DPP10: variants seen among roughly 807,000 people sequenced by gnomAD.
DPP10 encodes the protein inactive dipeptidyl peptidase 10.
In DPP10, 33 loss-of-function variants were observed where a neutral mutation model predicts 120.9. That is an observed-to-expected ratio of 0.27 (90% CI 0.21 to 0.37). The LOEUF (loss-of-function observed/expected upper bound fraction) is 0.37, where lower values mean the gene tolerates loss of function less well. DPP10 is among the 10% of genes least tolerant of loss of function. The pLI is 1.00. For synonymous variants in DPP10, 337 were observed against 326.1 expected, an observed-to-expected ratio of 1.03 and a Z score of -0.36; for missense variants, 816 against 942.8, an observed-to-expected ratio of 0.87 and a Z score of 1.76.
At chr2:115,679,201 G>C (rs906493418) in intron 5 of DPP10, among the ~76,000 whole-genome samples, 1 of 151,846 alleles carries the variant, frequency 6.6e-6, no homozygotes, top group East Asian at 1.9e-4. Context: ...ATGTGGGGGG[G>C]GTGCATGGGT....
chr2:114,792,608 T>C (rs1683351121), intron 1 of DPP10, among the ~76,000 whole-genome samples: 2 of 152,206 alleles, frequency 1.3e-5, no homozygotes, highest in Admixed American at 6.5e-5. Flanking sequence ...GCACCTAAAC[T>C]GTTTACACAA....
chr2:114,567,033 C>G (rs1206635382), intron 1 of DPP10, among the ~76,000 whole-genome samples: 1 of 152,162 alleles, frequency 6.6e-6, no homozygotes, highest in African/African-American at 2.4e-5. Context: ...CAACCCTTGC[C>G]TCTGACTACC....
chr2:115,285,019 T>C (rs1416191773), intron 1 of DPP10, among the ~76,000 whole-genome samples: 3 of 152,092 alleles, frequency 2.0e-5, no homozygotes, highest in Admixed American at 6.6e-5. Flanking sequence ...TGCACGTTCA[T>C]ATAATGTCCA....
rs576059642 is a variant in DPP10 at position 114,912,823 on chromosome 2, G to T, written c.61-396416G>T. Among the ~76,000 whole-genome samples, 7 of 152,296 alleles carry T rather than the reference G, an allele frequency of 4.6e-5. No homozygotes were observed. In the South Asian group the frequency reaches 1.5e-3, roughly 32 times the overall value. ...CATGATTCTCATGGATATTTGAGCT[G>T]GCAGGGAACTGCCCAGAGAGTTGAT... On this transcript the variant is annotated intron_variant, in intron 1 of 25. Transcript: ENST00000410059.
chr2:114,972,984 A>G (rs1699496263), intron 1 of DPP10, among the ~76,000 whole-genome samples: 1 of 152,066 alleles, frequency 6.6e-6, no homozygotes, highest in South Asian at 2.1e-4. Flanking sequence ...TCTTCATTTC[A>G]TTTTTGCATT....
At chr2:114,469,432 A>T (rs542986883) in intron 1 of DPP10, among the ~76,000 whole-genome samples, 17 of 152,222 alleles carry the variant, frequency 1.1e-4, no homozygotes, top group East Asian at 5.8e-4. Context: ...GTTTTTAAAA[A>T]ATATATATAT....
intron 1 of DPP10, among the ~76,000 whole-genome samples, chr2:115,006,912 T>C (rs1308838628): frequency 6.6e-6 from 1 of 151,942 alleles, no homozygotes; most frequent in Non-Finnish European, 1.5e-5. Context: ...CAACAGAATA[T>C]ACATTTTTTT....
chr2:115,640,912 G>C (rs972067033), intron 5 of DPP10, among the ~76,000 whole-genome samples: 1 of 151,876 alleles, frequency 6.6e-6, no homozygotes, highest in African/African-American at 2.4e-5. Flanking sequence ...TGTTTATTTT[G>C]TTTTTTTCTG....
chr2:114,919,517 T>A (rs1475112647), intron 1 of DPP10, among the ~76,000 whole-genome samples: 3 of 152,232 alleles, frequency 2.0e-5, no homozygotes, highest in African/African-American at 7.2e-5. Context: ...AATTATTTTT[T>A]AAATTTTTTT....
rs1158119332 is a variant in DPP10 at position 115,273,429 on chromosome 2, C to T, written c.61-35810C>T. On this transcript the variant is annotated intron_variant, in intron 1 of 25. Coordinates refer to ENST00000410059, the MANE Select transcript of DPP10 (RefSeq NM_020868.6). ...TTGGCTCACTGCAAACTCCGCCTCC[C>T]GGGTTCACACTATTCTCCTGCCTCA... Among the ~76,000 whole-genome samples, 10 of 152,216 alleles carry T rather than the reference C, an allele frequency of 6.6e-5. No individual in the cohort carries two copies. The South Asian group carries it at 1.0e-3, about 16-fold the overall frequency.
chr2:115,503,267 T>C (rs2076777375), intron 4 of DPP10, among the ~76,000 whole-genome samples: 1 of 152,154 alleles, frequency 6.6e-6, no homozygotes, highest in Non-Finnish European at 1.5e-5. Context: ...TTCATTGATT[T>C]ATAATGCCTA....
chr2:115,607,892 T>G lies in DPP10; in HGVS notation c.442-81795T>G, dbSNP rs531598277. Among the ~76,000 whole-genome samples, 12 of 152,306 alleles carry G rather than the reference T, an allele frequency of 7.9e-5. No individual in the cohort carries two copies. The East Asian group carries it at 2.3e-3, about 29-fold the overall frequency. On this transcript the variant is annotated intron_variant, in intron 5 of 25. Coordinates refer to ENST00000410059, the MANE Select transcript of DPP10 (RefSeq NM_020868.6). ...TGTAGAAACCAGAGAATGATTAACT[T>G]AAAGTCTTAAAGATTAATTTTAGAA...
intron 4 of DPP10, among the ~76,000 whole-genome samples, chr2:115,514,292 A>G (rs2077386527): frequency 6.6e-6 from 1 of 151,732 alleles, no homozygotes; most frequent in African/African-American, 2.4e-5. Flanking sequence ...TGAACTTCTT[A>G]AGTATATATA....
At chr2:115,648,934 A>G (rs1244407653) in intron 5 of DPP10, among the ~76,000 whole-genome samples, 1 of 152,142 alleles carries the variant, frequency 6.6e-6, no homozygotes, top group Non-Finnish European at 1.5e-5. Context: ...ACACCAACCC[A>G]GTTGGAAAGC....
intron 1 of DPP10, among the ~76,000 whole-genome samples, chr2:115,039,646 C>CT (rs1188086554): frequency 6.6e-6 from 1 of 151,974 alleles, no homozygotes; most frequent in Non-Finnish European, 1.5e-5. Context: ...TTGTGTTAAT[C>CT]TTTTATAAGC....
chr2:114,969,481 C>T (rs1222011087), intron 1 of DPP10, among the ~76,000 whole-genome samples: 1 of 152,142 alleles, frequency 6.6e-6, no homozygotes, highest in Non-Finnish European at 1.5e-5. Context: ...TTCACACACA[C>T]TCATACACAC....
intron 1 of DPP10, among the ~76,000 whole-genome samples, chr2:114,869,308 G>A (rs1690492790): frequency 6.6e-6 from 1 of 152,110 alleles, no homozygotes; most frequent in South Asian, 2.1e-4. Flanking sequence ...TTGTGAAGCA[G>A]GTTTATTGCG....
At chr2:115,147,473 A>G (rs911717607) in intron 1 of DPP10, among the ~76,000 whole-genome samples, 2 of 152,128 alleles carry the variant, frequency 1.3e-5, no homozygotes, top group Non-Finnish European at 2.9e-5. Flanking sequence ...CTTGGTGTAC[A>G]AGATTCTAAA....
chr2:114,963,278 C>T, intron 1 of DPP10, among the ~76,000 whole-genome samples: 1 of 152,134 alleles, frequency 6.6e-6, no homozygotes, highest in Non-Finnish European at 1.5e-5. Flanking sequence ...TAAAATCATG[C>T]CACTGGTCAT....
Sources: gnomAD v4.1 joint callset for allele counts (sites outside exome capture counted in the v4.1 genomes callset) on GRCh38, gnomAD v4.1.1 for gene constraint, MANE v1.5 for transcripts, NCBI Gene and HGNC (gene_info 2026-07-23, HGNC 2026-07-21) for gene names.